Variants in ATP7A observed in about 807,000 individuals in gnomAD.
The protein encoded by ATP7A is ATPase copper transporting alpha.
Under a neutral mutation model 83.5 loss-of-function variants are expected in ATP7A, and 7 were observed. The ratio of observed to expected loss-of-function variants is 0.08; its 90% CI spans 0.05 to 0.16. The LOEUF is 0.16. Ranked by LOEUF, ATP7A falls within the 10% of genes least tolerant of loss-of-function variation. The probability of loss-of-function intolerance (pLI) is 1.00; values close to 1 mark genes in which losing one functional copy is unlikely to be tolerated. For synonymous variants in ATP7A, 354 were observed against 395.2 expected, an observed-to-expected ratio of 0.90 and a Z score of 1.24; for missense variants, 940 against 1,120.8, an observed-to-expected ratio of 0.84 and a Z score of 2.30.
chrX:77,987,084 G>C lies in ATP7A; in HGVS notation c.121-1158G>C, dbSNP rs6622627. Among the ~76,000 whole-genome samples the C allele has an allele frequency of 1.4e-3, 150 of 110,906 alleles. No homozygotes were observed. In the East Asian group the frequency reaches 0.032, roughly 24 times the overall value. On this transcript the variant is annotated intron_variant, in intron 2 of 22. Coordinates refer to ENST00000341514, the MANE Select transcript of ATP7A (RefSeq NM_000052.7). ...ATTCCTGTTTGTCCTTTAACATTCA[G>C]GTATTATCTCTCCTAAGAATACTTT...
intron 7 of ATP7A, among the ~76,000 whole-genome samples, chrX:78,010,528 G>T (rs1258467983): frequency 9.6e-6 from 1 of 103,786 alleles, no homozygotes; most frequent in Non-Finnish European, 1.9e-5. Context: ...ACTAAATACT[G>T]CATATGCAAG....
intron 3 of ATP7A, 26 bp from the exon 4 acceptor site, chrX:77,989,207 T>A (rs371605443): frequency 8.4e-7 from 1 of 1,186,716 alleles, no homozygotes; most frequent in East Asian, 3.0e-5. Flanking sequence ...ATAACTGAAT[T>A]AATTATATTT....
chrX:77,987,444 T>TTTTGTG (rs1557231469), intron 2 of ATP7A, among the ~76,000 whole-genome samples: 1 of 85,867 alleles, frequency 1.2e-5, no homozygotes, highest in Non-Finnish European at 2.2e-5. Flanking sequence ...AACCCAGTAT[T>TTTTGTG]TGTGTGTGTG....
chrX:77,943,854 TAG>T (rs1382860281), intron 1 of ATP7A, among the ~76,000 whole-genome samples: 2 of 112,015 alleles, frequency 1.8e-5, no homozygotes, highest in Non-Finnish European at 3.8e-5. Flanking sequence ...GATAGGCATT[TAG>T]AGAGTCTCCA....
intron 1 of ATP7A, among the ~76,000 whole-genome samples, chrX:77,947,712 A>G (rs1344601367): frequency 2.5e-4 from 26 of 105,190 alleles, no homozygotes; most frequent in Non-Finnish European, 4.3e-4. Flanking sequence ...CTGGGATTAC[A>G]GGCATGAGCC....
At chrX:77,936,360 T>C (rs2077319593) in intron 1 of ATP7A, among the ~76,000 whole-genome samples, 1 of 112,240 alleles carries the variant, frequency 8.9e-6, no homozygotes, top group African/African-American at 3.2e-5. Context: ...GTATAGACTT[T>C]CCTGACATAT....
intron 1 of ATP7A, among the ~76,000 whole-genome samples, chrX:77,918,859 T>A (rs2149040649): frequency 9.0e-6 from 1 of 111,619 alleles, no homozygotes; most frequent in African/African-American, 3.2e-5. Context: ...TTCCCTTCAA[T>A]ACCTACTACA....
chrX:77,999,664 G>T (rs2077726511), intron 5 of ATP7A, among the ~76,000 whole-genome samples: 1 of 111,530 alleles, frequency 9.0e-6, no homozygotes, highest in Non-Finnish European at 1.9e-5. Context: ...AGCACTTTGG[G>T]AGGCCGAGGT....
chrX:77,931,765 G>A (rs1246340542), intron 1 of ATP7A, among the ~76,000 whole-genome samples: 11 of 105,354 alleles, frequency 1.0e-4, no homozygotes, highest in African/African-American at 3.8e-4. Flanking sequence ...TGGCCGGGTG[G>A]GGGGCTGACC....
At chrX:78,010,272 C>T (rs1395505145) in intron 7 of ATP7A, among the ~76,000 whole-genome samples, 2 of 112,000 alleles carry the variant, frequency 1.8e-5, no homozygotes, top group Admixed American at 9.5e-5. Flanking sequence ...TCCAAAGTCA[C>T]ATAGCTAATA....
At chrX:77,969,514 C>G in intron 1 of ATP7A, 1 of 1,210,856 alleles carries the variant, frequency 8.3e-7, no homozygotes, top group Non-Finnish European at 1.1e-6. Flanking sequence ...TAGCGCCTGC[C>G]CGCCGCGCTT....
At chrX:77,996,819 T>C (rs2077707493) in intron 4 of ATP7A, among the ~76,000 whole-genome samples, 1 of 111,329 alleles carries the variant, frequency 9.0e-6, no homozygotes, top group Admixed American at 9.6e-5. Context: ...TAAGTCTCAA[T>C]AGTAATTATG....
At chrX:77,991,678 A>T (rs1557232091) in intron 4 of ATP7A, among the ~76,000 whole-genome samples, 4 of 111,108 alleles carry the variant, frequency 3.6e-5, no homozygotes, top group Non-Finnish European at 5.7e-5. Context: ...TTACATTACC[A>T]TCTCAAATTC....
In ATP7A at chrX:78,015,760, A is replaced by G. The variant is rs1420350554; in HGVS notation, c.2505A>G (p.Glu835=). Residue 835 remains glutamate, a synonymous_variant, in exon 12 of 23, where the codon GAA becomes GAG. Coordinates refer to ENST00000341514, the MANE Select transcript of ATP7A (RefSeq NM_000052.7). ...TATGTTAACTTATATCCAGTGAAGA[A>G]CAAGTGGATGTGGAACTTGTACAAC... ...LDSDNILLSE[E]QVDVELVQRG... 18 of 1,210,116 alleles carry G rather than the reference A, an allele frequency of 1.5e-5. No individual in the cohort carries two copies. The highest frequency in any genetic ancestry group is 2.0e-5 in the Non-Finnish European group (18 of 895,202).
chrX:77,992,263 C>A (rs900438415), intron 4 of ATP7A, among the ~76,000 whole-genome samples: 2 of 108,909 alleles, frequency 1.8e-5, no homozygotes, highest in Non-Finnish European at 3.8e-5. Flanking sequence ...TGGGGTTTCA[C>A]CATTTTGGTC....
intron 2 of ATP7A, among the ~76,000 whole-genome samples, chrX:77,978,627 A>G (rs2077588696): frequency 1.8e-5 from 2 of 111,438 alleles, no homozygotes; most frequent in Non-Finnish European, 3.8e-5. Context: ...ATTTTTATCT[A>G]GAGAAAAGAC....
intron 12 of ATP7A, among the ~76,000 whole-genome samples, chrX:78,018,351 A>G (rs1489539249): frequency 9.1e-6 from 1 of 109,439 alleles, no homozygotes; most frequent in Non-Finnish European, 1.9e-5. Flanking sequence ...CTAAAAATAT[A>G]AAATTAGCCA....
At chrX:78,023,682 A>G (rs1261517963) in intron 14 of ATP7A, among the ~76,000 whole-genome samples, 1 of 111,490 alleles carries the variant, frequency 9.0e-6, no homozygotes, top group Non-Finnish European at 1.9e-5. Context: ...AGTTTCATAT[A>G]GAGTCTAGAT....
intron 1 of ATP7A, among the ~76,000 whole-genome samples, chrX:77,927,135 A>G (rs1304383579): frequency 8.9e-6 from 1 of 112,502 alleles, no homozygotes; most frequent in Non-Finnish European, 1.9e-5. Flanking sequence ...TACCTGAAAC[A>G]TAATGGGACT....
Sources: gnomAD v4.1 joint callset for allele counts (sites outside exome capture counted in the v4.1 genomes callset) on GRCh38, gnomAD v4.1.1 for gene constraint, MANE v1.5 for transcripts, NCBI Gene and HGNC (gene_info 2026-07-23, HGNC 2026-07-21) for gene names.